The following DACH2 variants were observed in gnomAD, a reference collection of about 807,000 sequenced individuals.
The protein encoded by DACH2 is dachshund family transcription factor 2.
In DACH2, 17 loss-of-function variants were observed where a neutral mutation model predicts 35.8. The observed-to-expected ratio is 0.48, with a 90% CI of 0.33 to 0.71. DACH2 has a LOEUF of 0.71. DACH2 is among the 30% of genes least tolerant of loss of function. The pLI is 0.02. For synonymous variants in DACH2, 195 were observed against 177.3 expected (o/e 1.10, Z -0.79); for missense variants, 469 against 472.7 (o/e 0.99, Z 0.07).
intron 3 of DACH2, among the ~76,000 whole-genome samples, chrX:86,527,454 C>T (rs764240064): frequency 5.1e-4 from 57 of 112,268 alleles, no homozygotes; most frequent in Middle Eastern, 9.2e-3. Context: ...AGAGAATGCA[C>T]TATTTTTTGT....
chrX:86,153,848 G>C (rs1033757905), intron 1 of DACH2, among the ~76,000 whole-genome samples: 4 of 111,298 alleles, frequency 3.6e-5, no homozygotes, highest in African/African-American at 1.3e-4. Context: ...AACTACTTTA[G>C]CTGGTATTCA....
chrX:86,831,312 C>T (rs1410264166), intron 11 of DACH2: 1 of 111,236 alleles, frequency 9.0e-6, no homozygotes, highest in Admixed American at 9.6e-5. Context: ...AAGCACTTGA[C>T]TCAGAAACAT....
intron 1 of DACH2, among the ~76,000 whole-genome samples, chrX:86,306,670 T>C (rs759151921): frequency 5.5e-4 from 62 of 112,049 alleles, no homozygotes; most frequent in Non-Finnish European, 1.1e-3. Context: ...TTTCAAACAT[T>C]GGACTCCAAG....
chrX:86,816,094 T>C lies in DACH2; in HGVS notation c.1745T>C (p.Met582Thr). 8.6e-7 allele frequency: 1 copy of C among 1,167,689 alleles called. No individual in the cohort carries two copies. The highest frequency in any genetic ancestry group is 3.2e-5 in the East Asian group (1 of 31,063). ...GGGACTCCTCATGATAGTGCTGCTA[T>C]GCAAGGTACAGTCAACTGAAAACTT... is the stretch of plus-strand genomic sequence containing the variant. ...NNGTPHDSAA[M>T]QGGNYYCLEM... Residue 582 changes from methionine (M) to threonine (T), a missense_variant, in exon 11 of 12, where the codon ATG becomes ACG. Around this residue, in one of 3 missense-constraint regions of DACH2, gnomAD observed 363 missense variants for 334.4 expected, o/e 1.09. Coordinates refer to ENST00000373125, the MANE Select transcript of DACH2 (RefSeq NM_053281.3).
chrX:86,307,462 T>C (rs2034712383), intron 1 of DACH2, among the ~76,000 whole-genome samples: 1 of 111,518 alleles, frequency 9.0e-6, no homozygotes, highest in Non-Finnish European at 1.9e-5. Flanking sequence ...CTGGGGACAC[T>C]GTGTTTGTAA....
chrX:86,345,406 AT>A, intron 1 of DACH2: 1 of 300,229 alleles, frequency 3.3e-6, no homozygotes, highest in South Asian at 3.2e-5. Flanking sequence ...GTGTTTTTAA[AT>A]TCCTTGCAGG....
intron 3 of DACH2, among the ~76,000 whole-genome samples, chrX:86,623,253 G>C (rs2040089915): frequency 8.9e-6 from 1 of 112,366 alleles, no homozygotes; most frequent in Non-Finnish European, 1.9e-5. Flanking sequence ...ATGTCTATGT[G>C]ATATAGGGAC....
In DACH2 at chrX:86,255,122, G is replaced by A. The variant is rs2033492200; in HGVS notation, c.488+106014G>A. ...TTGTTCTTTCCTGCCACTGAGATGAGCAGCTCTTTCTCCTTTCGAGAATGA... is the reference window on the plus strand; with the variant it reads ...TTGTTCTTTCCTGCCACTGAGATGAACAGCTCTTTCTCCTTTCGAGAATGA... On this transcript the variant is annotated intron_variant, in intron 1 of 11. Coordinates refer to ENST00000373125, the MANE Select transcript of DACH2 (RefSeq NM_053281.3). Among the ~76,000 whole-genome samples, 3 of 110,189 alleles carry A rather than the reference G, an allele frequency of 2.7e-5. No homozygotes were observed. The Admixed American group carries it at 2.9e-4, about 11-fold the overall frequency.
chrX:86,719,713 A>G (rs2070406062), intron 6 of DACH2, among the ~76,000 whole-genome samples: 1 of 109,488 alleles, frequency 9.1e-6, no homozygotes, highest in African/African-American at 3.3e-5. Context: ...CTCTTTCACA[A>G]TAACAGCATG....
At chrX:86,738,797 T>C (rs1019556402) in intron 6 of DACH2, among the ~76,000 whole-genome samples, 7 of 111,764 alleles carry the variant, frequency 6.3e-5, no homozygotes, top group Non-Finnish European at 1.3e-4. Flanking sequence ...ATATATGGAA[T>C]AGTAGAAGAA....
chrX:86,248,824 G>A (rs781163712), intron 1 of DACH2, among the ~76,000 whole-genome samples: 74 of 111,023 alleles, frequency 6.7e-4, no homozygotes, highest in Non-Finnish European at 1.1e-3. Flanking sequence ...CCAAAACAGC[G>A]TGGTACTTGT....
intron 1 of DACH2, among the ~76,000 whole-genome samples, chrX:86,298,595 G>A (rs1023151231): frequency 2.7e-5 from 3 of 111,717 alleles, no homozygotes; most frequent in Non-Finnish European, 5.6e-5. Context: ...GCCACAAGGA[G>A]TAGTACTATT....
intron 4 of DACH2, among the ~76,000 whole-genome samples, chrX:86,681,754 AT>A (rs1388860039): frequency 1.8e-5 from 2 of 108,840 alleles, no homozygotes; most frequent in African/African-American, 6.7e-5. Context: ...GGCTTTTAGT[AT>A]TTTTTTCTGA....
intron 2 of DACH2, among the ~76,000 whole-genome samples, chrX:86,401,341 C>A (rs113263576): frequency 0.023 from 2,530 of 112,116 alleles, 80 homozygotes; most frequent in African/African-American, 0.077. Context: ...TGAGGTGATG[C>A]CTTGCCCTGC....
intron 10 of DACH2, among the ~76,000 whole-genome samples, chrX:86,815,719 A>T (rs181440419): frequency 2.8e-5 from 3 of 107,765 alleles, no homozygotes; most frequent in Non-Finnish European, 5.7e-5. Flanking sequence ...TACCATGAGG[A>T]TGGGGGCAAG....
intron 1 of DACH2, among the ~76,000 whole-genome samples, chrX:86,237,239 A>C (rs971718408): frequency 8.9e-6 from 1 of 111,751 alleles, no homozygotes; most frequent in Non-Finnish European, 1.9e-5. Context: ...TTCTTGAAAG[A>C]TCTGCCTAGG....
intron 10 of DACH2, 42 bp downstream of exon 10, chrX:86,814,876 C>A: frequency 6.2e-6 from 7 of 1,128,452 alleles, no homozygotes; most frequent in Non-Finnish European, 8.3e-6. Context: ...GTAAACAAAG[C>A]AAAACTGATT....
chrX:86,396,077 A>G (rs1336168639), intron 2 of DACH2, among the ~76,000 whole-genome samples: 2 of 111,780 alleles, frequency 1.8e-5, no homozygotes, highest in Non-Finnish European at 3.8e-5. Flanking sequence ...AATGATTGCC[A>G]TTCTAACTGG....
chrX:86,674,491 G>A (rs1340746798), intron 4 of DACH2, among the ~76,000 whole-genome samples: 1 of 112,155 alleles, frequency 8.9e-6, no homozygotes, highest in Admixed American at 9.5e-5. Flanking sequence ...CATACAGTTG[G>A]TTTTGATATT....
Sources: allele counts gnomAD v4.1 joint callset (sites outside exome capture counted in the v4.1 genomes callset), GRCh38; gene constraint gnomAD v4.1.1; regional missense constraint gnomAD v4.1.1; transcripts MANE v1.5; gene names NCBI Gene and HGNC (gene_info 2026-07-23, HGNC 2026-07-21).